Variants in DLGAP4 observed in about 807,000 individuals in gnomAD.
DLGAP4 encodes DLG associated protein 4.
DLGAP4 carries 18 observed loss-of-function variants against 86.9 expected under a neutral mutation model. That is an observed-to-expected ratio of 0.21 (90% confidence interval 0.14 to 0.31). DLGAP4 has a LOEUF of 0.31. DLGAP4 is among the 10% of genes least tolerant of loss of function. DLGAP4 has a pLI of 1.00. For synonymous variants in DLGAP4, 548 were observed against 574.3 expected (o/e 0.95, Z 0.65); for missense variants, 1,085 against 1,362.6 (o/e 0.80, Z 3.21).
chr20:36,468,710 G>A (rs2034528099), intron 7 of DLGAP4, among the ~76,000 whole-genome samples: 1 of 152,258 alleles, frequency 6.6e-6, no homozygotes, highest in Non-Finnish European at 1.5e-5. Flanking sequence ...GTGGTATGCA[G>A]GGTACAATTG....
intron 2 of DLGAP4, among the ~76,000 whole-genome samples, chr20:36,374,838 G>T (rs552114719): frequency 6.6e-6 from 1 of 152,226 alleles, no homozygotes; most frequent in Non-Finnish European, 1.5e-5. Flanking sequence ...CCACAATCCC[G>T]GCACTGCAGG....
chr20:36,318,657 G>A (rs898083266), intron 1 of DLGAP4, among the ~76,000 whole-genome samples: 339 of 152,194 alleles, frequency 2.2e-3, no homozygotes, highest in Non-Finnish European at 3.8e-3. Flanking sequence ...TACAGGTGTG[G>A]ACCACTGCAC....
chr20:36,433,182 A>G (rs1184669729), intron 3 of DLGAP4, among the ~76,000 whole-genome samples: 1 of 152,242 alleles, frequency 6.6e-6, no homozygotes, highest in Non-Finnish European at 1.5e-5. Flanking sequence ...GGGTAGATGG[A>G]CAGATGGACA....
intron 7 of DLGAP4, among the ~76,000 whole-genome samples, chr20:36,471,603 T>G (rs1470955000): frequency 1.3e-5 from 2 of 152,218 alleles, no homozygotes; most frequent in Non-Finnish European, 2.9e-5. Flanking sequence ...ATCTGAATAG[T>G]TGGGAGACTC....
intron 1 of DLGAP4, among the ~76,000 whole-genome samples, chr20:36,317,272 TTTC>T (rs1390193066): frequency 7.8e-5 from 1 of 12,768 alleles, no homozygotes; most frequent in African/African-American, 4.8e-4. Context: ...TCTTTCTTTC[TTTC>T]TTATCTTTCT....
chr20:36,345,350 G>A (rs2029904568), intron 1 of DLGAP4, among the ~76,000 whole-genome samples: 1 of 152,192 alleles, frequency 6.6e-6, no homozygotes, highest in African/African-American at 2.4e-5. Context: ...TCCTGCTGGT[G>A]GACAAACCAA....
rs528371885 is a variant in DLGAP4, at chr20:36,323,332, C to T, written c.-304+16820C>T. On this transcript the variant is annotated intron_variant, in intron 1 of 12. Transcript: ENST00000339266. ...CCATAGCTTTGTTTTGTCTTTTTCA[C>T]ACCTTCACATAAACAACATCATGCA... 2.0e-5 allele frequency among the ~76,000 whole-genome samples: 3 copies of T among 152,224 alleles called. No individual in the cohort carries two copies. In the South Asian group the frequency reaches 6.2e-4, roughly 32 times the overall value.
In DLGAP4 at chr20:36,501,963, G is replaced by A. The variant is rs534371666; in HGVS notation, c.2512+1352G>A. Among the ~76,000 whole-genome samples, 6 of 152,286 alleles carry A rather than the reference G, an allele frequency of 3.9e-5. No homozygotes were observed. The East Asian group carries it at 5.8e-4, about 15-fold the overall frequency. ...TCTAAGAGAAAACATCCAGCCCACC[G>A]CCCTACCTGGGCCTTTCCCCACTTT... On this transcript the variant is annotated intron_variant, in intron 10 of 12. Coordinates refer to ENST00000339266, the MANE Select transcript of DLGAP4 (RefSeq NM_001365621.2).
chr20:36,418,293 A>T (rs539098650), intron 2 of DLGAP4, among the ~76,000 whole-genome samples: 18 of 150,282 alleles, frequency 1.2e-4, no homozygotes, highest in Non-Finnish European at 2.4e-4. Context: ...TTTTATTTTT[A>T]GTAGAGACAG....
intron 2 of DLGAP4, among the ~76,000 whole-genome samples, chr20:36,378,064 C>G (rs1355692632): frequency 6.6e-6 from 1 of 152,144 alleles, no homozygotes; most frequent in African/African-American, 2.4e-5. Flanking sequence ...CAGGAGAGCC[C>G]CTGGGGAAGT....
intron 1 of DLGAP4, among the ~76,000 whole-genome samples, chr20:36,307,774 G>T (rs962956238): frequency 2.6e-5 from 4 of 152,158 alleles, no homozygotes; most frequent in African/African-American, 7.2e-5. Context: ...CAGTAGGGAG[G>T]GGGGAGTCCT....
chr20:36,405,990 G>A (rs770370022), intron 2 of DLGAP4, among the ~76,000 whole-genome samples: 5 of 152,134 alleles, frequency 3.3e-5, no homozygotes, highest in Non-Finnish European at 7.4e-5. Context: ...CTGGAGCTGC[G>A]GGCTCCAACT....
chr20:36,315,356 C>G (rs1234112767), intron 1 of DLGAP4, among the ~76,000 whole-genome samples: 1 of 151,806 alleles, frequency 6.6e-6, no homozygotes, highest in East Asian at 1.9e-4. Context: ...TGGTGCGGTG[C>G]GGGGACAGCA....
chr20:36,317,282 T>TTA (rs2065115508), intron 1 of DLGAP4, among the ~76,000 whole-genome samples: 4 of 30,380 alleles, frequency 1.3e-4, no homozygotes, highest in Admixed American at 9.1e-4. Context: ...TTTCTTATCT[T>TTA]TCTTTCTTTC....
chr20:36,523,240 G>T (rs1229526434), intron 10 of DLGAP4, among the ~76,000 whole-genome samples: 3 of 151,942 alleles, frequency 2.0e-5, no homozygotes, highest in Non-Finnish European at 1.5e-5. Flanking sequence ...TTTTGGTGGA[G>T]ACCTCCTGCC....
chr20:36,387,578 G>A (rs2031641856), intron 2 of DLGAP4, among the ~76,000 whole-genome samples: 1 of 152,048 alleles, frequency 6.6e-6, no homozygotes, highest in South Asian at 2.1e-4. Context: ...CCCACCCAAG[G>A]TCATAAAGAT....
intron 1 of DLGAP4, among the ~76,000 whole-genome samples, chr20:36,332,147 A>G (rs1178279697): frequency 6.6e-6 from 1 of 152,114 alleles, no homozygotes; most frequent in Non-Finnish European, 1.5e-5. Flanking sequence ...AGGGATGCCC[A>G]GGAGAAGGCT....
intron 2 of DLGAP4, among the ~76,000 whole-genome samples, chr20:36,396,593 C>G (rs1489904857): frequency 8.3e-6 from 1 of 120,916 alleles, no homozygotes; most frequent in African/African-American, 3.1e-5. Flanking sequence ...ACACCAGACA[C>G]ACACACGCAC....
At chr20:36,479,402 G>A (rs1181249287) in intron 7 of DLGAP4, among the ~76,000 whole-genome samples, 1 of 152,116 alleles carries the variant, frequency 6.6e-6, no homozygotes, top group Non-Finnish European at 1.5e-5. Context: ...AGGTCACAGG[G>A]ATGCCACCCT....
Sources: gnomAD v4.1 joint callset for allele counts (sites outside exome capture counted in the v4.1 genomes callset) on GRCh38, gnomAD v4.1.1 for gene constraint, MANE v1.5 for transcripts, NCBI Gene and HGNC (gene_info 2026-07-23, HGNC 2026-07-21) for gene names.